WDHD1: variants seen among roughly 807,000 people sequenced by gnomAD.
WDHD1 encodes WD repeat and HMG-box DNA-binding protein 1.
WDHD1 carries 111 observed loss-of-function variants against 135.4 expected under a neutral mutation model. The observed-to-expected ratio is 0.82, with a 90% CI of 0.70 to 0.96. The LOEUF (loss-of-function observed/expected upper bound fraction) is 0.96, where lower values mean the gene tolerates loss of function less well. WDHD1 is among the 40% of genes least tolerant of loss of function. The pLI is 0.00. For missense variants in WDHD1, 1,351 were observed against 1,336.3 expected (o/e 1.01, Z -0.17); for synonymous variants, 434 against 439.0 (o/e 0.99, Z 0.14).
chr14:54,967,824 T>C (rs530117753), intron 16 of WDHD1, among the ~76,000 whole-genome samples: 35 of 152,266 alleles, frequency 2.3e-4, no homozygotes, highest in African/African-American at 7.5e-4. Flanking sequence ...TTTTGCCATG[T>C]TGCCCAGGCT....
rs548932226 is a variant in WDHD1, at chr14:54,979,327, A to T, written c.2063+2213T>A. On this transcript the variant is annotated intron_variant, in intron 16 of 25. Transcript: ENST00000360586. ...CCATCATGCCTGGGTAATTAAAAAA[A>T]TTTTTTTTTGTTGAAACTGGGTCTC... Among the ~76,000 whole-genome samples, 166 of 151,606 alleles carry T rather than the reference A, an allele frequency of 1.1e-3. 1 individual carries two copies. The highest frequency in any genetic ancestry group is 3.3e-3 in the African/African-American group (138 of 41,388).
intron 18 of WDHD1, among the ~76,000 whole-genome samples, chr14:54,964,460 GA>G (rs1286270945): frequency 6.6e-6 from 1 of 152,060 alleles, no homozygotes; most frequent in Non-Finnish European, 1.5e-5. Context: ...CTAACACGGT[GA>G]AACACAGTCT....
intron 17 of WDHD1, among the ~76,000 whole-genome samples, chr14:54,967,028 G>A (rs917918502): frequency 1.3e-5 from 2 of 152,194 alleles, no homozygotes; most frequent in African/African-American, 4.8e-5. Context: ...GCCCCATCCT[G>A]AGAGTAAGTC....
At chr14:55,025,705 A>T (rs2042425198) in intron 2 of WDHD1, among the ~76,000 whole-genome samples, 1 of 152,208 alleles carries the variant, frequency 6.6e-6, no homozygotes, top group Non-Finnish European at 1.5e-5. Flanking sequence ...CCATTGCCTA[A>T]CTTCACAGAT....
chr14:54,976,399 G>A (rs2041525031), intron 16 of WDHD1, among the ~76,000 whole-genome samples: 1 of 152,096 alleles, frequency 6.6e-6, no homozygotes, highest in South Asian at 2.1e-4. Flanking sequence ...GTCTCTCTAT[G>A]TTGCCCAGGC....
intron 8 of WDHD1, among the ~76,000 whole-genome samples, chr14:55,001,383 C>T (rs1294550051): frequency 6.6e-6 from 1 of 152,300 alleles, no homozygotes; most frequent in East Asian, 1.9e-4. Context: ...GCCTCAGCCT[C>T]CCAGGTAGCT....
chr14:54,977,087 G>T (rs7151097), intron 16 of WDHD1, among the ~76,000 whole-genome samples: 4,831 of 146,696 alleles, frequency 0.033, 247 homozygotes, highest in African/African-American at 0.11. Context: ...AAATAAGGTT[G>T]TTTTTTTTTT....
intron 17 of WDHD1, 77 bp from the exon 18 acceptor site, chr14:54,966,683 T>C (rs1320390374): frequency 1.4e-5 from 20 of 1,411,626 alleles, no homozygotes; most frequent in Non-Finnish European, 1.9e-5. Context: ...TATCTTAAGA[T>C]ACCAGTTTTT....
chr14:55,009,284 C>T (rs1465439134), intron 4 of WDHD1, among the ~76,000 whole-genome samples: 5 of 152,262 alleles, frequency 3.3e-5, no homozygotes, highest in African/African-American at 1.2e-4. Context: ...ATTTGCTAAT[C>T]TAATTATAGC....
At chr14:54,971,492 C>T (rs1007267996) in intron 16 of WDHD1, among the ~76,000 whole-genome samples, 1 of 152,054 alleles carries the variant, frequency 6.6e-6, no homozygotes, top group Non-Finnish European at 1.5e-5. Flanking sequence ...GCCATATGCA[C>T]ACACACAAAA....
At chr14:54,969,224 G>A (rs867917037) in intron 16 of WDHD1, among the ~76,000 whole-genome samples, 1 of 151,704 alleles carries the variant, frequency 6.6e-6, no homozygotes, top group South Asian at 2.1e-4. Flanking sequence ...ATTTTTAGTA[G>A]AGACGGGGTT....
intron 18 of WDHD1, among the ~76,000 whole-genome samples, chr14:54,964,264 G>A (rs2041305149): frequency 6.6e-6 from 1 of 152,118 alleles, no homozygotes; most frequent in Non-Finnish European, 1.5e-5. Context: ...TCACCTGGAT[G>A]CCCTTTTCAA....
At position 54,939,237 on chromosome 14, in the gene WDHD1, T is replaced by C. The variant is rs962883039; in HGVS notation, c.*2253A>G. The C allele has an allele frequency of 6.6e-6, 1 of 152,204 alleles. No homozygotes were observed. The highest frequency in any genetic ancestry group is 1.5e-5 in the Non-Finnish European group (1 of 68,030). 9.4% of individuals were successfully genotyped at this position (152,204 alleles called of 1,614,324 possible). ...ATAAGACAGTCACTGATTAAGATGC[T>C]TTCTACATGGATGGGCCTCATCCTT... On this transcript the variant is annotated 3_prime_UTR_variant, in exon 26 of 26. Transcript: ENST00000360586.
intron 1 of WDHD1, 62 bp from the exon 2 acceptor site, chr14:55,026,865 G>A: frequency 2.0e-6 from 3 of 1,533,446 alleles, no homozygotes; most frequent in Admixed American, 3.4e-5. Flanking sequence ...CGAGGCTAGG[G>A]ATAGGAAGAG....
chr14:55,009,969 C>T (rs2042139949), intron 4 of WDHD1, among the ~76,000 whole-genome samples: 2 of 149,912 alleles, frequency 1.3e-5, no homozygotes, highest in African/African-American at 2.4e-5. Context: ...TACAGGCACC[C>T]GCCACCACAC....
At chr14:54,947,394 A>C (rs1343209804) in intron 24 of WDHD1, among the ~76,000 whole-genome samples, 2 of 152,218 alleles carry the variant, frequency 1.3e-5, no homozygotes, top group African/African-American at 4.8e-5. Context: ...ATTTTCTTAA[A>C]TAAAATTTTC....
intron 21 of WDHD1, among the ~76,000 whole-genome samples, chr14:54,958,021 AT>A (rs1479566465): frequency 1.3e-5 from 2 of 151,926 alleles, no homozygotes; most frequent in Non-Finnish European, 2.9e-5. Context: ...ACTTTTCCCT[AT>A]TTATTGGCCC....
chr14:54,998,511 T>C (rs1193812964), intron 10 of WDHD1, among the ~76,000 whole-genome samples: 1 of 152,214 alleles, frequency 6.6e-6, no homozygotes, highest in Non-Finnish European at 1.5e-5. Context: ...TTACAAGGCG[T>C]GCTATGAAAA....
chr14:55,003,423 G>A (rs1279323063), intron 7 of WDHD1, among the ~76,000 whole-genome samples: 1 of 151,996 alleles, frequency 6.6e-6, no homozygotes, highest in Non-Finnish European at 1.5e-5. Context: ...GCTGAGGTGG[G>A]AGGATGAACT....
Sources: gnomAD v4.1 joint callset for allele counts (sites outside exome capture counted in the v4.1 genomes callset) on GRCh38, gnomAD v4.1.1 for gene constraint, MANE v1.5 for transcripts, NCBI Gene and HGNC (gene_info 2026-07-23, HGNC 2026-07-21) for gene names.